Variants in ACTA2 observed in about 807,000 individuals in gnomAD.
ACTA2 encodes the protein actin, aortic smooth muscle.
A neutral mutation model predicts 39.5 loss-of-function variants in ACTA2; 12 were observed. That is an observed-to-expected ratio of 0.30 (90% CI 0.19 to 0.49). The LOEUF (loss-of-function observed/expected upper bound fraction) is 0.49, where lower values mean the gene tolerates loss of function less well. Ranked by LOEUF, ACTA2 falls within the 20% of genes least tolerant of loss-of-function variation. ACTA2 has a pLI of 0.99. For missense variants in ACTA2, 236 were observed against 498.8 expected (o/e 0.47, Z 5.02); for synonymous variants, 158 against 180.6 (o/e 0.88, Z 1.00).
chr10:88,935,520 T>C (rs141343503), intron 8 of ACTA2, 154 bp from the exon 9 acceptor site: 1 of 825,382 alleles, frequency 1.2e-6, no homozygotes, highest in African/African-American at 1.7e-5. Flanking sequence ...GTCCTAATTG[T>C]GTCATGTTCT....
In ACTA2 at chr10:88,948,926, C is replaced by T. The variant is rs750805652; in HGVS notation, c.5G>A (p.Cys2Tyr). 2 of 1,613,784 alleles carry T rather than the reference C, an allele frequency of 1.2e-6. No individual in the cohort carries two copies. The highest frequency in any genetic ancestry group is 1.7e-6 in the Non-Finnish European group (2 of 1,179,764). Residue 2 changes from cysteine to tyrosine, a missense_variant, in exon 2 of 9, where the codon TGT becomes TAT. Physicochemically the swap from Cys to Tyr is radical, Grantham distance 194. Transcript: ENST00000224784. Reference sequence around the variant, plus strand: ...CAAGGCAGTGCTGTCCTCTTCTTCACACATAGCTGGAGCTGCTTCACAGGA... The same window carrying T: ...CAAGGCAGTGCTGTCCTCTTCTTCATACATAGCTGGAGCTGCTTCACAGGA... M[C>Y]EEEDSTALVC... is the part of the protein sequence containing the mutation.
intron 8 of ACTA2, 143 bp from the exon 9 acceptor site, chr10:88,935,509 T>G (rs1270639258): frequency 2.3e-6 from 2 of 879,266 alleles, no homozygotes; most frequent in Non-Finnish European, 3.6e-6. Flanking sequence ...ATGCCAATTG[T>G]GTCCTAATTG....
intron 1 of ACTA2, among the ~76,000 whole-genome samples, chr10:88,983,642 C>A (rs535498961): frequency 3.2e-4 from 36 of 111,500 alleles, no homozygotes; most frequent in Middle Eastern, 5.6e-3. Context: ...AAAAAAAACA[C>A]ACACACACAC....
At chr10:88,967,885 A>G (rs534897068) in intron 1 of ACTA2, among the ~76,000 whole-genome samples, 2 of 152,340 alleles carry the variant, frequency 1.3e-5, no homozygotes, top group African/African-American at 4.8e-5. Context: ...TACTTGAAAT[A>G]AATATGAATT....
intron 1 of ACTA2, among the ~76,000 whole-genome samples, chr10:88,970,471 GACT>G (rs1285967162): frequency 6.6e-6 from 1 of 152,194 alleles, no homozygotes; most frequent in East Asian, 1.9e-4. Context: ...TTAGTGCTGA[GACT>G]ACCTGAATAG....
At chr10:88,965,981 C>T (rs188773941) in intron 1 of ACTA2, among the ~76,000 whole-genome samples, 7 of 152,220 alleles carry the variant, frequency 4.6e-5, no homozygotes, top group East Asian at 3.9e-4. Context: ...CCTGAATTTA[C>T]GGAACCATGG....
At chr10:88,991,293 G>C (rs1847192974) in exon 1 of ACTA2, 1 of 406,958 alleles carries the variant, frequency 2.5e-6, no homozygotes, top group East Asian at 4.6e-5. Flanking sequence ...CGGTTGGAGA[G>C]AGGAGCGGAA....
chr10:88,959,690 A>T (rs1014462510), intron 1 of ACTA2, among the ~76,000 whole-genome samples: 4 of 152,168 alleles, frequency 2.6e-5, no homozygotes, highest in African/African-American at 9.7e-5. Context: ...ATTTTTAAGG[A>T]ATCTTCAGAA....
chr10:88,968,051 A>T (rs1846351857), intron 1 of ACTA2, among the ~76,000 whole-genome samples: 1 of 151,930 alleles, frequency 6.6e-6, no homozygotes, highest in South Asian at 2.1e-4. Context: ...TCTACTTGTG[A>T]CCTTAAGGTG....
At chr10:88,947,104 TCAATGGGTAA>T in intron 3 of ACTA2, 144 bp downstream of exon 3, 3 of 1,115,412 alleles carry the variant, frequency 2.7e-6, no homozygotes, top group Admixed American at 2.5e-5. Context: ...GATTTTTTTT[TCAATGGGTAA>T]TAACCCAGAA....
intron 1 of ACTA2, among the ~76,000 whole-genome samples, chr10:88,988,018 C>G (rs566231748): frequency 1.3e-5 from 2 of 152,128 alleles, no homozygotes; most frequent in African/African-American, 4.8e-5. Flanking sequence ...TGGACTTGAA[C>G]TATAACTTTT....
chr10:88,949,114 G>GT (rs1202659007), intron 1 of ACTA2, among the ~76,000 whole-genome samples, 161 bp from the exon 2 acceptor site: 2 of 152,148 alleles, frequency 1.3e-5, no homozygotes, highest in Non-Finnish European at 2.9e-5. Flanking sequence ...AAGTACTTTA[G>GT]TTACACTATA....
intron 1 of ACTA2, among the ~76,000 whole-genome samples, chr10:88,983,424 T>A (rs1369203547): frequency 6.6e-6 from 1 of 152,176 alleles, no homozygotes; most frequent in East Asian, 1.9e-4. Context: ...TACATCTTGA[T>A]GATAAGGCCA....
At chr10:88,978,903 ATATTAT>A (rs956742252) in intron 1 of ACTA2, among the ~76,000 whole-genome samples, 11 of 151,372 alleles carry the variant, frequency 7.3e-5, no homozygotes, top group Admixed American at 7.2e-4. Flanking sequence ...TATTATTATT[ATATTAT>A]TATTATTAAT....
intron 1 of ACTA2, among the ~76,000 whole-genome samples, chr10:88,986,744 CAGGAAGGAAGAAGTAT>C (rs1278184488): frequency 7.4e-4 from 112 of 151,626 alleles, no homozygotes; most frequent in African/African-American, 2.6e-3. Flanking sequence ...GGAAGTAGTG[CAGGAAGGAAGAAGTAT>C]AGGAAGGAAG....
chr10:88,991,221 G>A (rs887949957), exon 1 of ACTA2: 21 of 540,752 alleles, frequency 3.9e-5, no homozygotes, highest in African/African-American at 3.4e-4. Context: ...AGGTGGGCGT[G>A]GGGTGCGGAC....
chr10:88,973,362 G>A, intron 1 of ACTA2: 3 of 1,463,318 alleles, frequency 2.1e-6, no homozygotes, highest in Non-Finnish European at 2.7e-6. Flanking sequence ...TCCAAGAATT[G>A]CCAGGCGAAC....
chr10:88,984,406 G>A (rs1268207278), intron 1 of ACTA2, among the ~76,000 whole-genome samples: 1 of 152,102 alleles, frequency 6.6e-6, no homozygotes, highest in Non-Finnish European at 1.5e-5. Context: ...AGTAGGAATG[G>A]ATTACACCCC....
chr10:88,989,887 C>A (rs762589773), intron 1 of ACTA2, among the ~76,000 whole-genome samples: 1 of 152,198 alleles, frequency 6.6e-6, no homozygotes, highest in Non-Finnish European at 1.5e-5. Context: ...ATGTCATTAT[C>A]CAAACATACC....
Sources: allele counts gnomAD v4.1 joint callset (sites outside exome capture counted in the v4.1 genomes callset), GRCh38; gene constraint gnomAD v4.1.1; transcripts MANE v1.5; gene names NCBI Gene and HGNC (gene_info 2026-07-23, HGNC 2026-07-21).